EPHA8: variants seen among roughly 807,000 people sequenced by gnomAD.
EPHA8 encodes the protein ephrin type-A receptor 8.
Under a neutral mutation model 103.6 loss-of-function variants are expected in EPHA8, and 58 were observed. The observed-to-expected ratio is 0.56, with a 90% confidence interval of 0.45 to 0.70. The LOEUF is 0.70. EPHA8 is among the 30% of genes least tolerant of loss of function. EPHA8 has a pLI of 0.00. For synonymous variants in EPHA8, 559 were observed against 572.5 expected (o/e 0.98, Z 0.34); for missense variants, 1,304 against 1,395.2 (o/e 0.93, Z 1.04).
intron 3 of EPHA8, among the ~76,000 whole-genome samples, chr1:22,583,291 G>T (rs1186942588): frequency 6.6e-6 from 1 of 152,234 alleles, no homozygotes; most frequent in Non-Finnish European, 1.5e-5. Flanking sequence ...GAGGCCTGGT[G>T]ATTAGTATTC....
chr1:22,602,970 A>G lies in EPHA8; in HGVS notation c.*1229A>G, dbSNP rs762703899. On this transcript the variant is annotated 3_prime_UTR_variant, in exon 17 of 17. Transcript: ENST00000166244. The stretch of plus-strand genomic sequence containing the variant: ...CTCCCCCCTTACGGCCCACCAGGGT[A>G]TGTAAATATCTCTTTTCTACCATGT... 1 of 152,526 alleles carries G rather than the reference A, an allele frequency of 6.6e-6. No individual in the cohort carries two copies. Among genetic ancestry groups the G allele is most frequent in the Non-Finnish European group, 1.5e-5 (1 of 68,048 alleles). The allele number at this position is 152,526 out of a possible 1,614,324, so 9.4% of individuals were successfully genotyped here.
At position 22,589,268 on chromosome 1, in the gene EPHA8, A is replaced by C; in HGVS notation, c.1315+62A>C. The C allele has an allele frequency of 6.2e-7, 1 of 1,614,004 alleles. No individual in the cohort carries two copies. Among genetic ancestry groups the C allele is most frequent in the Admixed American group, 1.7e-5 (1 of 60,034 alleles). On this transcript the variant is annotated intron_variant, in intron 5 of 16. Coordinates refer to ENST00000166244, the MANE Select transcript of EPHA8 (RefSeq NM_020526.5). This position sits in a 1 kb window ranked among gnomAD's most constrained non-coding sequence, Gnocchi z 4.3. ...CCCCAGCTTCCCCTGCCTCAGACCC[A>C]TCCAGGGATCAGAGCTCTGCCGGGG...
chr1:22,577,230 G>T (rs763038570), intron 3 of EPHA8, among the ~76,000 whole-genome samples: 25 of 152,276 alleles, frequency 1.6e-4, no homozygotes, highest in Non-Finnish European at 3.2e-4. Context: ...GCTAACTCAG[G>T]TCAGACATAG....
rs41266043 is a variant in EPHA8 at position 22,603,024 on chromosome 1, T to C, written c.*1283T>C. 5.6e-3 allele frequency: 854 copies of C among 152,568 alleles called. 6 individuals are homozygous for C. The highest frequency in any genetic ancestry group is 8.3e-3 in the Non-Finnish European group (563 of 68,012). The allele number at this position is 152,568 out of a possible 1,614,324, so 9.5% of individuals were successfully genotyped here. ...AATATTTTTTCCTCACTCCTGACAA[T>C]GCAAAAATGGTCTTCAAAGCACATA... On this transcript the variant is annotated 3_prime_UTR_variant, in exon 17 of 17. Transcript: ENST00000166244.
chr1:22,575,654 G>A (rs1364733161), intron 2 of EPHA8, among the ~76,000 whole-genome samples: 1 of 152,178 alleles, frequency 6.6e-6, no homozygotes, highest in Non-Finnish European at 1.5e-5. Context: ...GGATTCCCTT[G>A]AGTGGGACCC....
At chr1:22,588,206 C>A (rs1042610499) in intron 4 of EPHA8, among the ~76,000 whole-genome samples, 4 of 152,178 alleles carry the variant, frequency 2.6e-5, no homozygotes, top group Non-Finnish European at 5.9e-5. Context: ...AATTCTGAGG[C>A]CAGGGGTCCC....
intron 3 of EPHA8, among the ~76,000 whole-genome samples, chr1:22,578,241 CAT>C (rs761865704): frequency 5.3e-5 from 5 of 94,758 alleles, no homozygotes; most frequent in African/African-American, 8.7e-5. Context: ...TGTATGTGTG[CAT>C]GTGTGTGTCT....
rs2124502090 is a variant in EPHA8, at chr1:22,563,802, A to C, written c.94+73A>C. The C allele has an allele frequency of 6.6e-6, 1 of 151,978 alleles. No homozygotes were observed. Among genetic ancestry groups the C allele is most frequent in the Admixed American group, 6.6e-5 (1 of 15,210 alleles). The allele number at this position is 151,978 out of a possible 1,614,324, so 9.4% of individuals were successfully genotyped here. A position where few individuals can be genotyped will look rare whatever the true frequency, so the allele number is the denominator to read the frequency against. The stretch of plus-strand genomic sequence containing the variant: ...GCGCGGCGCGCGCTGCCTGCGGCTC[A>C]ACTTCCTTTGCATGGACCCTGAGCT... On this transcript the variant is annotated intron_variant, in intron 1 of 16. Coordinates refer to ENST00000166244, the MANE Select transcript of EPHA8 (RefSeq NM_020526.5). The surrounding 1 kb of genome is among the most constrained non-coding windows in gnomAD (Gnocchi z 4.4).
rs774219987 is a variant in EPHA8 at position 22,576,886 on chromosome 1, C to A, written c.823+6C>A. On this transcript the variant is annotated splice_donor_region_variant and intron_variant, in intron 3 of 16. Coordinates refer to ENST00000166244, the MANE Select transcript of EPHA8 (RefSeq NM_020526.5). The surrounding 1 kb of genome is among the most constrained non-coding windows in gnomAD (Gnocchi z 4.8). Reference sequence around the variant, plus strand: ...GCGGCGGGATGCCTGTGTGGGTGAGCGCGCCATGGCCTGGGCATGGGTCAG... The same window carrying A: ...GCGGCGGGATGCCTGTGTGGGTGAGAGCGCCATGGCCTGGGCATGGGTCAG... The A allele has an allele frequency of 6.4e-7, 1 of 1,573,518 alleles. No individual in the cohort carries two copies. The highest frequency in any genetic ancestry group is 1.7e-5 in the Admixed American group (1 of 58,506).
chr1:22,580,798 C>T (rs1641023519), intron 3 of EPHA8, among the ~76,000 whole-genome samples: 1 of 152,222 alleles, frequency 6.6e-6, no homozygotes, highest in South Asian at 2.1e-4. Context: ...GTGTTACCTG[C>T]TTAGGCCTTA....
At chr1:22,570,989 A>G (rs1349389828) in intron 2 of EPHA8, among the ~76,000 whole-genome samples, 1 of 152,188 alleles carries the variant, frequency 6.6e-6, no homozygotes, top group African/African-American at 2.4e-5. Flanking sequence ...CCCTCACTGC[A>G]TGGCGGTTGG....
intron 1 of EPHA8, among the ~76,000 whole-genome samples, chr1:22,566,175 G>GC (rs371332367): frequency 6.6e-4 from 101 of 152,288 alleles, no homozygotes; most frequent in African/African-American, 2.3e-3. Flanking sequence ...CTGCAGAGAC[G>GC]CCCCCCGGAC....
intron 14 of EPHA8, 34 bp downstream of exon 14, chr1:22,600,844 T>C: frequency 6.3e-7 from 1 of 1,589,020 alleles, no homozygotes; most frequent in Non-Finnish European, 8.6e-7. Flanking sequence ...CCGCGGGCGG[T>C]GGAGCCTCAG....
chr1:22,593,663 TGG>T lies in EPHA8; in HGVS notation c.1581_1582del (p.Met527IlefsTer12). On this transcript the variant is annotated frameshift_variant, in exon 7 of 17. Coordinates refer to ENST00000166244, the MANE Select transcript of EPHA8 (RefSeq NM_020526.5). LOFTEE classifies it high-confidence loss of function. ...GGCTGTGGCCGCTTCAGCCAGGCCA[TGG>T]AGGTGGAGACCGGGAAACCCCGTGA... The T allele has an allele frequency of 6.2e-7, 1 of 1,601,740 alleles. No homozygotes were observed.
intron 8 of EPHA8, 82 bp downstream of exon 8, chr1:22,595,405 T>C: frequency 8.4e-7 from 1 of 1,183,688 alleles, no homozygotes; most frequent in South Asian, 1.4e-5. Flanking sequence ...ACCGAGCCGG[T>C]GGTCCCCGTG....
At chr1:22,596,303 C>A in intron 9 of EPHA8, 130 bp downstream of exon 9, 1 of 893,624 alleles carries the variant, frequency 1.1e-6, no homozygotes, top group Non-Finnish European at 1.7e-6. Flanking sequence ...GAGGCAGATT[C>A]CAGGGTGTCA....
In EPHA8 at chr1:22,595,287, T is replaced by C; in HGVS notation, c.1661T>C (p.Leu554Pro). The C allele has an allele frequency of 6.2e-7, 1 of 1,613,820 alleles. No individual in the cohort carries two copies. The highest frequency in any genetic ancestry group is 8.5e-7 in the Non-Finnish European group (1 of 1,179,868). ...VWICLTLITGLVVLLLLLICK... is the reference protein window; with the variant it reads ...VWICLTLITGPVVLLLLLICK... Reference sequence around the variant, plus strand: ...ATCTGCCTGACGCTCATCACGGGCCTGGTGGTGCTTCTGCTCCTGCTCATC... The same window carrying C: ...ATCTGCCTGACGCTCATCACGGGCCCGGTGGTGCTTCTGCTCCTGCTCATC... Residue 554 changes from leucine (L) to proline (P), a missense_variant, in exon 8 of 17, where the codon CTG (leucine) becomes CCG (proline). Physicochemically the swap from Leu to Pro is moderately conservative, Grantham distance 98. Transcript: ENST00000166244.
chr1:22,575,007 G>A (rs1404231844), intron 2 of EPHA8, among the ~76,000 whole-genome samples: 1 of 152,140 alleles, frequency 6.6e-6, no homozygotes, highest in Non-Finnish European at 1.5e-5. Flanking sequence ...CTGGAGAACA[G>A]TAGTGCGATC....
chr1:22,597,900 C>T lies in EPHA8; in HGVS notation c.2116+39C>T. 1 of 1,583,218 alleles carries T rather than the reference C, an allele frequency of 6.3e-7. No homozygotes were observed. Among genetic ancestry groups the T allele is most frequent in the Non-Finnish European group, 8.6e-7 (1 of 1,162,150 alleles). On this transcript the variant is annotated intron_variant, in intron 11 of 16. Transcript: ENST00000166244. The surrounding 1 kb of genome is among the most constrained non-coding windows in gnomAD (Gnocchi z 4.6). Reference sequence around the variant, plus strand: ...AAAGACAGCCTCCCCCTGCAGTGCCCCTCCTGCCTGGAGAGGCCTCTGGGT... The same window carrying T: ...AAAGACAGCCTCCCCCTGCAGTGCCTCTCCTGCCTGGAGAGGCCTCTGGGT...
Sources: gnomAD v4.1 joint callset for allele counts (sites outside exome capture counted in the v4.1 genomes callset) on GRCh38, gnomAD v4.1.1 for gene constraint, Gnocchi (gnomAD v3.1) non-coding constraint, MANE v1.5 for transcripts, NCBI Gene and HGNC (gene_info 2026-07-23, HGNC 2026-07-21) for gene names.